FMN1: variants seen among roughly 807,000 people sequenced by gnomAD.
FMN1 encodes the protein formin 1, also known as formin-1.
FMN1 carries 110 observed loss-of-function variants against 132.4 expected under a neutral mutation model. The observed-to-expected ratio is 0.83, with a 90% confidence interval of 0.71 to 0.97. The LOEUF (loss-of-function observed/expected upper bound fraction) is 0.97. FMN1 is among the 50% of genes least tolerant of loss of function. FMN1 has a pLI of 0.00. For synonymous variants in FMN1, 722 were observed against 651.7 expected, an observed-to-expected ratio of 1.11 and a Z score of -1.64; for missense variants, 1,792 against 1,705.3, an observed-to-expected ratio of 1.05 and a Z score of -0.90.
intron 3 of FMN1, among the ~76,000 whole-genome samples, chr15:33,168,449 A>G (rs1321759641): frequency 2.0e-5 from 3 of 152,216 alleles, no homozygotes; most frequent in Non-Finnish European, 4.4e-5. Context: ...CCTGTTAGGA[A>G]TTCCTCTTTG....
chr15:33,111,561 G>A (rs1595495360), intron 4 of FMN1, among the ~76,000 whole-genome samples: 1 of 152,192 alleles, frequency 6.6e-6, no homozygotes, highest in South Asian at 2.1e-4. Flanking sequence ...ATAGCCAAAA[G>A]GTGGAAATAA....
intron 15 of FMN1, among the ~76,000 whole-genome samples, chr15:32,888,738 A>G (rs1293954956): frequency 6.6e-6 from 1 of 152,210 alleles, no homozygotes; most frequent in East Asian, 1.9e-4. Flanking sequence ...AGGCACTGCA[A>G]TGGAAGATAC....
chr15:32,890,133 T>C (rs547152230), intron 15 of FMN1, among the ~76,000 whole-genome samples: 1 of 137,946 alleles, frequency 7.2e-6, no homozygotes, highest in South Asian at 2.3e-4. Context: ...TAGTATTCGA[T>C]TGTATATATA....
intron 8 of FMN1, among the ~76,000 whole-genome samples, chr15:32,964,829 A>G (rs1330638864): frequency 6.6e-6 from 1 of 152,216 alleles, no homozygotes; most frequent in Non-Finnish European, 1.5e-5. Flanking sequence ...GATTCATAGT[A>G]TCTCAGTCCC....
intron 6 of FMN1, among the ~76,000 whole-genome samples, chr15:33,008,437 G>C (rs1408727496): frequency 6.6e-6 from 1 of 152,088 alleles, no homozygotes; most frequent in African/African-American, 2.4e-5. Context: ...AGAGCAGACA[G>C]GGCAGGAAAC....
intron 17 of FMN1, among the ~76,000 whole-genome samples, chr15:32,814,809 G>C (rs528754956): frequency 2.0e-5 from 3 of 152,158 alleles, no homozygotes; most frequent in African/African-American, 4.8e-5. Context: ...CTTAGCACTT[G>C]AGACTATAAA....
chr15:33,052,872 CT>C (rs533259750), intron 6 of FMN1, among the ~76,000 whole-genome samples: 181 of 152,150 alleles, frequency 1.2e-3, no homozygotes, highest in African/African-American at 4.1e-3. Flanking sequence ...TGAGTGGTGT[CT>C]TTACTTTAAC....
At chr15:33,115,068 T>G (rs1160446638) in intron 4 of FMN1, among the ~76,000 whole-genome samples, 1 of 152,164 alleles carries the variant, frequency 6.6e-6, no homozygotes, top group African/African-American at 2.4e-5. Context: ...AAATGCTGAT[T>G]AAGCACCCAC....
At chr15:33,018,862 C>T (rs2035240886) in intron 6 of FMN1, among the ~76,000 whole-genome samples, 1 of 152,038 alleles carries the variant, frequency 6.6e-6, no homozygotes, top group African/African-American at 2.4e-5. Flanking sequence ...TAAGGCAGCA[C>T]GTCTGGAGTT....
At chr15:33,039,366 A>G (rs1007666177) in intron 6 of FMN1, among the ~76,000 whole-genome samples, 14 of 152,376 alleles carry the variant, frequency 9.2e-5, no homozygotes, top group African/African-American at 3.4e-4. Flanking sequence ...GGCTCATCAC[A>G]GAGACCCTGG....
At chr15:33,066,685 T>C (rs769170381) in intron 5 of FMN1, 3 of 1,613,744 alleles carry the variant, frequency 1.9e-6, no homozygotes, top group Non-Finnish European at 2.5e-6. Context: ...CCTCCAGGGC[T>C]GTCTCTGGCG....
intron 18 of FMN1, 137 bp from the exon 19 acceptor site, chr15:32,799,090 C>T (rs1266988037): frequency 1.5e-6 from 1 of 672,728 alleles, no homozygotes; most frequent in Non-Finnish European, 2.5e-6. Flanking sequence ...CTCATAGTTA[C>T]TGAAGTTTAT....
chr15:32,943,316 C>T (rs1316129704), intron 9 of FMN1, among the ~76,000 whole-genome samples: 8 of 152,122 alleles, frequency 5.3e-5, no homozygotes, highest in Non-Finnish European at 1.2e-4. Flanking sequence ...CTGATTCTCC[C>T]AAGTACAATT....
At chr15:33,094,885 C>G (rs556236773) in intron 4 of FMN1, among the ~76,000 whole-genome samples, 2 of 152,110 alleles carry the variant, frequency 1.3e-5, no homozygotes, top group African/African-American at 4.8e-5. Flanking sequence ...GATAGAGCAC[C>G]TAGGTAAGTC....
At chr15:33,104,825 C>T (rs1479099635) in intron 4 of FMN1, among the ~76,000 whole-genome samples, 1 of 152,092 alleles carries the variant, frequency 6.6e-6, no homozygotes, top group African/African-American at 2.4e-5. Context: ...ACACTACTTG[C>T]TTTGCAGAAA....
chr15:32,967,823 T>C (rs188806708), intron 8 of FMN1, among the ~76,000 whole-genome samples: 167 of 152,352 alleles, frequency 1.1e-3, no homozygotes, highest in African/African-American at 3.7e-3. Context: ...CAAAGTGTTA[T>C]ATAAATTGAA....
At position 33,067,199 on chromosome 15, in the gene FMN1, C is replaced by T. The variant is rs772201593; in HGVS notation, c.2044-2125G>A. 2.2e-5 allele frequency: 35 copies of T among 1,613,404 alleles called. 1 individual carries two copies. In the Admixed American group the frequency reaches 4.7e-4, roughly 22 times the overall value. ...TTCTCCCACCTGGTCCTGGCTGGGG[C>T]GACGCTCTGTCTGAAGACCACCGTT... is the stretch of plus-strand genomic sequence containing the variant. On this transcript the variant is annotated intron_variant, in intron 5 of 20. Coordinates refer to ENST00000616417, the MANE Select transcript of FMN1 (RefSeq NM_001277313.2).
rs535311630 is a variant in FMN1 at position 32,892,430 on chromosome 15, CT to C, written c.3715-4139del. Reference sequence around the variant, plus strand: ...AACCCACTTGATCCTGGTGGATTATCTTTTTGATATGTTGTTGGATGCAGTT... The same window carrying C: ...AACCCACTTGATCCTGGTGGATTATCTTTTGATATGTTGTTGGATGCAGTT... On this transcript the variant is annotated intron_variant, in intron 15 of 20. Coordinates refer to ENST00000616417, the MANE Select transcript of FMN1 (RefSeq NM_001277313.2). 2.9e-3 allele frequency among the ~76,000 whole-genome samples: 440 copies of C among 152,238 alleles called. 3 individuals are homozygous for C. Among genetic ancestry groups the C allele is most frequent in the African/African-American group, 0.01 (427 of 41,534 alleles).
At chr15:32,782,855 A>G (rs1272329991) in intron 19 of FMN1, among the ~76,000 whole-genome samples, 1 of 152,238 alleles carries the variant, frequency 6.6e-6, no homozygotes, top group Non-Finnish European at 1.5e-5. Context: ...TTGCAGCAAC[A>G]TAGATGGAGC....
Sources: allele counts gnomAD v4.1 joint callset (sites outside exome capture counted in the v4.1 genomes callset), GRCh38; gene constraint gnomAD v4.1.1; transcripts MANE v1.5; gene names NCBI Gene and HGNC (gene_info 2026-07-23, HGNC 2026-07-21).